OVCH1: variants seen among roughly 807,000 people sequenced by gnomAD.
The protein encoded by OVCH1 is ovochymase 1.
In OVCH1, 139 loss-of-function variants were observed where a neutral mutation model predicts 138.4. The ratio of observed to expected loss-of-function variants is 1.00; its 90% confidence interval spans 0.87 to 1.16. OVCH1 has a LOEUF of 1.16. OVCH1 is among the 50% of genes most tolerant of loss of function. OVCH1 has a pLI of 0.00. For missense variants in OVCH1, 1,367 were observed against 1,357.9 expected (o/e 1.01, Z -0.11); for synonymous variants, 453 against 467.8 (o/e 0.97, Z 0.41).
intron 25 of OVCH1, among the ~76,000 whole-genome samples, chr12:29,441,949 G>A (rs547224699): frequency 1.3e-3 from 195 of 151,938 alleles, no homozygotes; most frequent in East Asian, 4.3e-3. Flanking sequence ...TCAGAATGGC[G>A]ATCATTAAAA....
intron 16 of OVCH1, among the ~76,000 whole-genome samples, chr12:29,469,081 C>T (rs996042109): frequency 6.6e-6 from 1 of 152,082 alleles, no homozygotes; most frequent in Non-Finnish European, 1.5e-5. Flanking sequence ...CTCACAATGG[C>T]CAAAGCTGGA....
downstream of OVCH1, among the ~76,000 whole-genome samples, chr12:29,411,085 C>T (rs1349892497): frequency 7.9e-6 from 1 of 127,152 alleles, no homozygotes; most frequent in Non-Finnish European, 1.8e-5. Context: ...CCCTTTCTTC[C>T]AGTTGATCGC....
chr12:29,438,774 T>A lies in OVCH1; in HGVS notation c.3264+554A>T, dbSNP rs372605751. 3.3e-5 allele frequency among the ~76,000 whole-genome samples: 5 copies of A among 152,338 alleles called. No homozygotes were observed. The East Asian group carries it at 5.8e-4, about 18-fold the overall frequency. ...TATGGTTTTAAGATTACAATTGCTA[T>A]ATAATTTGTATCTATTTTTTCTCAT... On this transcript the variant is annotated intron_variant, in intron 26 of 27. Coordinates refer to ENST00000318184, the Ensembl canonical transcript of OVCH1.
At chr12:29,442,233 CAAT>C (rs1941504104) in intron 25 of OVCH1, among the ~76,000 whole-genome samples, 1 of 151,992 alleles carries the variant, frequency 6.6e-6, no homozygotes, top group African/African-American at 2.4e-5. Flanking sequence ...AAATGTCCAA[CAAT>C]GATAGACCGG....
At chr12:29,477,999 A>G (rs1942801091) in intron 9 of OVCH1, among the ~76,000 whole-genome samples, 1 of 152,206 alleles carries the variant, frequency 6.6e-6, no homozygotes, top group Admixed American at 6.6e-5. Flanking sequence ...TAAATATTAT[A>G]ACCCCTAGTA....
chr12:29,466,028 G>A (rs1188696739), intron 16 of OVCH1, among the ~76,000 whole-genome samples: 4 of 146,144 alleles, frequency 2.7e-5, no homozygotes, highest in East Asian at 2.0e-4. Flanking sequence ...GTTCTCACTC[G>A]TAGGTGGGAA....
At chr12:29,439,434 G>C (rs750213409) in exon 26 of OVCH1, 1 of 1,505,274 alleles carries the variant, frequency 6.6e-7, no homozygotes, top group Middle Eastern at 1.8e-4. Context: ...AGCGAATGAA[G>C]CTAAGATGGT....
intron 9 of OVCH1, among the ~76,000 whole-genome samples, chr12:29,477,867 G>A (rs1942795721): frequency 6.6e-6 from 1 of 152,160 alleles, no homozygotes; most frequent in African/African-American, 2.4e-5. Flanking sequence ...TGGGCAGAGT[G>A]CTTTTTCTCA....
In OVCH1 at chr12:29,495,492, T is replaced by C. The variant is rs891659767; in HGVS notation, c.282-35A>G. 4.4e-6 allele frequency: 7 copies of C among 1,580,500 alleles called. No individual in the cohort carries two copies. The African/African-American group carries it at 8.1e-5, about 18-fold the overall frequency. ...AAGAAAAATGTTTCATAAGTAGTTG[T>C]TTCCCCTACGCAAGTCTTCTTGGTT... is the stretch of plus-strand genomic sequence containing the variant. On this transcript the variant is annotated intron_variant, in intron 3 of 27. Transcript: ENST00000318184.
intron 3 of OVCH1, 128 bp from the exon 4 acceptor site, chr12:29,495,585 C>T: frequency 4.8e-6 from 4 of 832,764 alleles, no homozygotes; most frequent in East Asian, 2.9e-5. Flanking sequence ...GAAGGTTTTC[C>T]TTATTATTGA....
intron 9 of OVCH1, 160 bp from the exon 11 acceptor site, chr12:29,477,638 CTT>C: frequency 6.9e-6 from 11 of 1,584,324 alleles, no homozygotes; most frequent in Non-Finnish European, 9.5e-6. Flanking sequence ...GCTTCAGTGA[CTT>C]TGCTATTCCA....
intron 3 of OVCH1, among the ~76,000 whole-genome samples, chr12:29,422,498 C>T (rs1310373910): frequency 2.0e-5 from 3 of 152,118 alleles, no homozygotes; most frequent in African/African-American, 7.2e-5. Flanking sequence ...CTCCTACTAA[C>T]AAATTAATTA....
downstream of OVCH1, chr12:29,423,218 A>G (rs1941129120): frequency 2.2e-6 from 1 of 455,748 alleles, no homozygotes; most frequent in African/African-American, 2.0e-5. Context: ...TTTCTCTCAG[A>G]CTCATCAGTC....
intron 8 of OVCH1, among the ~76,000 whole-genome samples, chr12:29,481,413 A>T (rs948139839): frequency 1.3e-5 from 2 of 152,160 alleles, no homozygotes; most frequent in Non-Finnish European, 2.9e-5. Context: ...TGAAAGTCTT[A>T]TTAATCTCTG....
rs1390373246 is a variant in OVCH1 at position 29,476,193 on chromosome 12, G to A, written c.1471+13C>T. The A allele has an allele frequency of 2.5e-6, 4 of 1,597,622 alleles. No homozygotes were observed. Among genetic ancestry groups the A allele is most frequent in the Non-Finnish European group, 3.4e-6 (4 of 1,165,098 alleles). Reference sequence around the variant, plus strand: ...TCTAACACTTTCATATTTAAAGGGTGAAGTCTACCTACCTAACTTGTGCTT... The same window carrying A: ...TCTAACACTTTCATATTTAAAGGGTAAAGTCTACCTACCTAACTTGTGCTT... On this transcript the variant is annotated intron_variant, in intron 13 of 27. Transcript: ENST00000318184.
chr12:29,439,426 C>T lies in OVCH1; in HGVS notation c.3166G>A (p.Ala1056Thr), dbSNP rs145438752. Residue 1056 changes from alanine to threonine, a missense_variant, in exon 26 of 28, where the codon GCT becomes ACT. Ala to Thr is a moderately conservative substitution (Grantham distance 58, BLOSUM62 0). Coordinates refer to ENST00000318184, the Ensembl canonical transcript of OVCH1. The stretch of plus-strand genomic sequence containing the variant: ...GTCAGTATCATTGCCAGAGTTCCAG[C>T]GAATGAAGCTAAGATGGTCTGAGAA... 2.8e-5 allele frequency: 42 copies of T among 1,518,380 alleles called. 1 individual carries two copies. Among genetic ancestry groups the T allele is most frequent in the South Asian group, 2.2e-4 (17 of 77,642 alleles). The allele number at this position is 1,518,380 out of a possible 1,614,324, so 94.1% of individuals were successfully genotyped here. A position where few individuals can be genotyped will look rare whatever the true frequency, so the allele number is the denominator to read the frequency against.
chr12:29,494,186 A>G (rs1339753183), intron 4 of OVCH1, among the ~76,000 whole-genome samples: 1 of 152,168 alleles, frequency 6.6e-6, no homozygotes, highest in Admixed American at 6.6e-5. Context: ...CTTTCAAAGC[A>G]TCACCTTTCA....
In OVCH1 at chr12:29,417,460, CAAAAAAAAAAAAA is replaced by C. The variant is rs759067203; in HGVS notation, c.*72-4748_*72-4736del. Reference sequence around the variant, plus strand: ...CCTGGGTGACAGAAACACTCCGTCTCAAAAAAAAAAAAAAAAAAAAAAAAGGCAACACTAGGAA... The same window carrying C: ...CCTGGGTGACAGAAACACTCCGTCTCAAAAAAAAAAAGGCAACACTAGGAA... On this transcript the variant is annotated intron_variant and NMD_transcript_variant, in intron 3 of 4. Coordinates refer to the OVCH1 transcript ENST00000539117. Among the ~76,000 whole-genome samples the C allele has an allele frequency of 9.2e-4, 56 of 60,752 alleles. 1 individual carries two copies. The East Asian group carries it at 0.023, about 25-fold the overall frequency. 39.9% of individuals were successfully genotyped at this position (60,752 alleles called of 152,430 possible).
chr12:29,470,152 T>C (rs978518229), intron 16 of OVCH1, among the ~76,000 whole-genome samples: 3 of 152,192 alleles, frequency 2.0e-5, no homozygotes, highest in African/African-American at 7.2e-5. Context: ...ACATATATGT[T>C]AAAATCCCCC....
Sources: allele counts gnomAD v4.1 joint callset (sites outside exome capture counted in the v4.1 genomes callset), GRCh38; gene constraint gnomAD v4.1.1; transcripts MANE v1.5; gene names NCBI Gene and HGNC (gene_info 2026-07-23, HGNC 2026-07-21).